SCHIP1: variants seen among roughly 807,000 people sequenced by gnomAD.
The protein encoded by SCHIP1 is schwannomin interacting protein 1, also known as schwannomin-interacting protein 1.
A neutral mutation model predicts 29.7 loss-of-function variants in SCHIP1; 8 were observed. That is an observed-to-expected ratio of 0.27 (90% CI 0.16 to 0.49). The LOEUF (loss-of-function observed/expected upper bound fraction) is 0.49, where lower values mean the gene tolerates loss of function less well. SCHIP1 is among the 20% of genes least tolerant of loss of function. The pLI, the probability that SCHIP1 is intolerant of heterozygous loss-of-function variation, is 0.99. For missense variants in SCHIP1, 193 were observed against 294.6 expected, an observed-to-expected ratio of 0.66 and a Z score of 2.52; for synonymous variants, 76 against 94.9, an observed-to-expected ratio of 0.80 and a Z score of 1.16.
the SCHIP1 span, among the ~76,000 whole-genome samples, chr3:159,725,767 A>G: frequency 1.3e-5 from 2 of 152,236 alleles, no homozygotes; most frequent in African/African-American, 4.8e-5. Context: ...AACAGGGCCA[A>G]TGGTCACAGG....
chr3:159,558,060 C>A, the SCHIP1 span, among the ~76,000 whole-genome samples: 3 of 152,252 alleles, frequency 2.0e-5, no homozygotes, highest in Non-Finnish European at 2.9e-5. Context: ...ATGGGATGCT[C>A]ATTGTAAGCT....
the SCHIP1 span, among the ~76,000 whole-genome samples, chr3:159,828,361 TTATATATA>T: frequency 9.9e-6 from 1 of 101,488 alleles, no homozygotes; most frequent in Non-Finnish European, 1.9e-5. Flanking sequence ...AGTGTAACCT[TTATATATA>T]TATATACATA....
chr3:159,888,509 T>C, intron 4 of SCHIP1: 1 of 246,374 alleles, frequency 4.1e-6, no homozygotes, highest in Non-Finnish European at 7.8e-6. Context: ...ACTAATTTTT[T>C]CCATGTCATT....
the SCHIP1 span, among the ~76,000 whole-genome samples, chr3:159,425,528 C>A: frequency 6.6e-6 from 1 of 152,072 alleles, no homozygotes; most frequent in African/African-American, 2.4e-5. Flanking sequence ...ACAGGAGCAC[C>A]CAGATTCATA....
the SCHIP1 span, among the ~76,000 whole-genome samples, chr3:159,325,361 C>T: frequency 1.3e-5 from 2 of 152,098 alleles, no homozygotes; most frequent in Non-Finnish European, 2.9e-5. Context: ...AATCATAAAT[C>T]ATTCGTCTGT....
chr3:159,798,851 A>G, the SCHIP1 span, among the ~76,000 whole-genome samples: 1 of 152,248 alleles, frequency 6.6e-6, no homozygotes, highest in African/African-American at 2.4e-5. Context: ...TTCTATGCCT[A>G]GTTGGCTCTG....
the SCHIP1 span, among the ~76,000 whole-genome samples, chr3:159,458,683 G>C: frequency 3.8e-4 from 58 of 152,144 alleles, no homozygotes; most frequent in African/African-American, 1.1e-3. Flanking sequence ...ACACATGAAG[G>C]TAATTGCTTA....
chr3:159,431,894 G>A, the SCHIP1 span, among the ~76,000 whole-genome samples: 1 of 151,814 alleles, frequency 6.6e-6, no homozygotes, highest in African/African-American at 2.4e-5. Context: ...TACTATTGCT[G>A]ATGGAAGTCT....
chr3:159,279,030 G>A, the SCHIP1 span, among the ~76,000 whole-genome samples: 1 of 152,096 alleles, frequency 6.6e-6, no homozygotes, highest in Admixed American at 6.5e-5. Context: ...GGCCCATTCT[G>A]AAAGAGGCAC....
the SCHIP1 span, among the ~76,000 whole-genome samples, chr3:159,603,611 T>C: frequency 1.3e-5 from 2 of 152,142 alleles, no homozygotes; most frequent in African/African-American, 4.8e-5. Flanking sequence ...AGACTAAATA[T>C]ATATTTTGCA....
chr3:159,459,402 C>T, the SCHIP1 span, among the ~76,000 whole-genome samples: 4 of 152,144 alleles, frequency 2.6e-5, no homozygotes, highest in African/African-American at 9.7e-5. Flanking sequence ...GCTAATCAGC[C>T]TTTATTCATT....
chr3:159,802,684 G>C, the SCHIP1 span, among the ~76,000 whole-genome samples: 1 of 152,202 alleles, frequency 6.6e-6, no homozygotes, highest in African/African-American at 2.4e-5. Flanking sequence ...CCATTTGTAA[G>C]TGGCTTGTCG....
the SCHIP1 span, among the ~76,000 whole-genome samples, chr3:159,739,445 G>A: frequency 6.6e-6 from 1 of 152,198 alleles, no homozygotes; most frequent in African/African-American, 2.4e-5. Context: ...GAGTATTGGT[G>A]AAGGTTTTGA....
chr3:159,345,531 T>G, the SCHIP1 span, among the ~76,000 whole-genome samples: 2 of 151,148 alleles, frequency 1.3e-5, no homozygotes, highest in African/African-American at 4.9e-5. Context: ...AAGCTCAGTT[T>G]TTTTTTACAG....
At chr3:159,841,669 G>C (rs1441020052) in intron 1 of SCHIP1, among the ~76,000 whole-genome samples, 1 of 152,098 alleles carries the variant, frequency 6.6e-6, no homozygotes, top group East Asian at 1.9e-4. Context: ...GTTGAAAATT[G>C]GTCAAATATC....
chr3:159,860,768 C>T (rs1410150654), intron 1 of SCHIP1, among the ~76,000 whole-genome samples: 1 of 152,198 alleles, frequency 6.6e-6, no homozygotes, highest in Non-Finnish European at 1.5e-5. Flanking sequence ...TACAACTGTC[C>T]CTGCTCCAAA....
chr3:159,445,079 G>A, the SCHIP1 span, among the ~76,000 whole-genome samples: 1 of 151,958 alleles, frequency 6.6e-6, no homozygotes, highest in South Asian at 2.1e-4. Context: ...TACCATCAGA[G>A]TGAACAGGCA....
the SCHIP1 span, among the ~76,000 whole-genome samples, chr3:159,396,259 C>T: frequency 2.0e-5 from 3 of 151,348 alleles, no homozygotes; most frequent in African/African-American, 4.9e-5. Flanking sequence ...ACTGATGGGT[C>T]TCGACTCTTT....
At chr3:159,378,488 A>T in the SCHIP1 span, among the ~76,000 whole-genome samples, 1 of 152,172 alleles carries the variant, frequency 6.6e-6, no homozygotes, top group South Asian at 2.1e-4. Context: ...GATCTGTTAA[A>T]TCTCATCTCT....
Sources: allele counts gnomAD v4.1 joint callset (sites outside exome capture counted in the v4.1 genomes callset), GRCh38; gene constraint gnomAD v4.1.1; transcripts MANE v1.5; gene names NCBI Gene and HGNC (gene_info 2026-07-23, HGNC 2026-07-21).